The following MPP4 variants were observed in gnomAD, a reference collection of about 807,000 sequenced individuals.
MPP4 encodes MAGUK p55 scaffold protein 4.
A neutral mutation model predicts 98.3 loss-of-function variants in MPP4; 91 were observed. That is an observed-to-expected ratio of 0.93 (90% CI 0.78 to 1.10). The LOEUF (loss-of-function observed/expected upper bound fraction) is 1.10. MPP4 is among the 50% of genes least tolerant of loss of function. MPP4 has a pLI of 0.00. For missense variants in MPP4, 744 were observed against 792.9 expected (o/e 0.94, Z 0.74); for synonymous variants, 261 against 271.8 (o/e 0.96, Z 0.39).
chr2:201,690,043 A>G (rs1688963121), intron 4 of MPP4, among the ~76,000 whole-genome samples, 159 bp downstream of exon 4: 1 of 152,206 alleles, frequency 6.6e-6, no homozygotes, highest in Non-Finnish European at 1.5e-5. Context: ...TACCCAGCCA[A>G]TGTTCTTCCT....
intron 4 of MPP4, among the ~76,000 whole-genome samples, chr2:201,688,899 G>GAGCT (rs1218103982): frequency 7.9e-5 from 12 of 152,156 alleles, no homozygotes; most frequent in African/African-American, 2.2e-4. Flanking sequence ...TTATAGCCAT[G>GAGCT]AGCTACTGCA....
intron 18 of MPP4, chr2:201,652,089 C>T (rs943036044): frequency 1.1e-4 from 91 of 837,046 alleles, no homozygotes; most frequent in Admixed American, 1.2e-4. Context: ...CTATAGCATG[C>T]GATCATAAAG....
chr2:201,697,216 C>T (rs1689214968), intron 1 of MPP4, among the ~76,000 whole-genome samples: 1 of 152,178 alleles, frequency 6.6e-6, no homozygotes, highest in Non-Finnish European at 1.5e-5. Flanking sequence ...TTCCAGCCTC[C>T]AGAACTGTAT....
At chr2:201,678,104 A>G (rs1688563417) in intron 10 of MPP4, among the ~76,000 whole-genome samples, 1 of 152,116 alleles carries the variant, frequency 6.6e-6, no homozygotes, top group East Asian at 1.9e-4. Flanking sequence ...TTTTCATATT[A>G]GGTTTTCACG....
intron 16 of MPP4, 96 bp from the exon 17 acceptor site, chr2:201,656,464 G>A (rs1299028648): frequency 8.2e-7 from 1 of 1,224,120 alleles, no homozygotes; most frequent in Non-Finnish European, 1.1e-6. Context: ...TGATCCTAAA[G>A]TGTTCATTAA....
intron 14 of MPP4, among the ~76,000 whole-genome samples, chr2:201,662,500 C>CAAAA (rs57262157): frequency 5.3e-5 from 4 of 75,274 alleles, no homozygotes; most frequent in South Asian, 4.8e-4. Context: ...GACTCTGTCT[C>CAAAA]AAAAAAAAAA....
intron 11 of MPP4, among the ~76,000 whole-genome samples, chr2:201,670,433 AC>A (rs1053642821): frequency 2.0e-5 from 3 of 152,144 alleles, no homozygotes; most frequent in African/African-American, 7.2e-5. Flanking sequence ...AAGAGAGGGG[AC>A]CCTTTAAGTC....
intron 3 of MPP4, among the ~76,000 whole-genome samples, chr2:201,691,925 A>G (rs1219602402): frequency 6.6e-6 from 1 of 152,206 alleles, no homozygotes; most frequent in African/African-American, 2.4e-5. Context: ...AAGCACTTTT[A>G]TTTATCCAGG....
At chr2:201,676,905 TA>T (rs1336449659) in intron 10 of MPP4, among the ~76,000 whole-genome samples, 2 of 152,104 alleles carry the variant, frequency 1.3e-5, no homozygotes, top group Non-Finnish European at 2.9e-5. Context: ...TCTCAAAAAA[TA>T]AAAACATTTA....
intron 20 of MPP4, among the ~76,000 whole-genome samples, chr2:201,649,200 A>C (rs1428537068): frequency 6.6e-6 from 1 of 152,160 alleles, no homozygotes; most frequent in Non-Finnish European, 1.5e-5. Flanking sequence ...TCCATTCTAC[A>C]TGTGGTCTCA....
At chr2:201,672,983 A>G (rs1031602339) in intron 11 of MPP4, among the ~76,000 whole-genome samples, 5 of 152,230 alleles carry the variant, frequency 3.3e-5, no homozygotes, top group African/African-American at 1.2e-4. Flanking sequence ...ATACTGGCAA[A>G]CCAAATCCAG....
intron 18 of MPP4, chr2:201,650,696 G>GATGA: frequency 4.1e-6 from 4 of 985,418 alleles, no homozygotes; most frequent in Non-Finnish European, 4.8e-6. Flanking sequence ...GACTCCTCTA[G>GATGA]ATGAGTGTTT....
chr2:201,679,784 A>G (rs113659364), intron 10 of MPP4, among the ~76,000 whole-genome samples: 4 of 152,268 alleles, frequency 2.6e-5, no homozygotes, highest in African/African-American at 9.6e-5. Flanking sequence ...CTATTTCTCC[A>G]TCATTCTGCT....
intron 1 of MPP4, among the ~76,000 whole-genome samples, chr2:201,695,826 G>C (rs1016493040): frequency 4.6e-5 from 7 of 152,216 alleles, no homozygotes; most frequent in Non-Finnish European, 1.0e-4. Context: ...AGTGGGCTCA[G>C]AGTGCACCAA....
chr2:201,668,049 C>T (rs1178284037), intron 12 of MPP4, among the ~76,000 whole-genome samples: 1 of 152,070 alleles, frequency 6.6e-6, no homozygotes, highest in African/African-American at 2.4e-5. Flanking sequence ...CATTAGTTCC[C>T]AGTACATAAC....
intron 8 of MPP4, among the ~76,000 whole-genome samples, chr2:201,682,591 G>C (rs1688695733): frequency 6.6e-6 from 1 of 152,184 alleles, no homozygotes; most frequent in Non-Finnish European, 1.5e-5. Flanking sequence ...CGTGGCTGAA[G>C]GAGGAAGGAG....
chr2:201,680,395 G>T (rs56160250), intron 10 of MPP4: 54,709 of 153,854 alleles, frequency 0.36, 10,791 homozygotes, highest in Middle Eastern at 0.48. Flanking sequence ...CTTTTAGCTG[G>T]GTCCTCCCAT....
At chr2:201,648,902 A>G (rs1687641768) in intron 20 of MPP4, among the ~76,000 whole-genome samples, 1 of 152,100 alleles carries the variant, frequency 6.6e-6, no homozygotes, top group African/African-American at 2.4e-5. Context: ...TGTCTCTACT[A>G]AAAATACAAA....
In MPP4 at chr2:201,694,608, C is replaced by CTTTTTT. The variant is rs777556505; in HGVS notation, c.-100-560_-100-555dup. ...AGAGTCTGGACAGTTTTCTTTTTCC[C>CTTTTTT]TTTTTTTTTTTTTTTTTTTTTTTTT... On this transcript the variant is annotated intron_variant, in intron 1 of 21. Coordinates refer to ENST00000409474, the MANE Select transcript of MPP4 (RefSeq NM_033066.3). Among the ~76,000 whole-genome samples, 241 of 78,892 alleles carry CTTTTTT rather than the reference C, an allele frequency of 3.1e-3. 2 individuals carry two copies. The highest frequency in any genetic ancestry group is 4.9e-3 in the Admixed American group (24 of 4,942). The allele number at this position is 78,892 out of a possible 152,430, so 51.8% of individuals were successfully genotyped here.
Sources: allele counts gnomAD v4.1 joint callset (sites outside exome capture counted in the v4.1 genomes callset), GRCh38; gene constraint gnomAD v4.1.1; transcripts MANE v1.5; gene names NCBI Gene and HGNC (gene_info 2026-07-23, HGNC 2026-07-21).